ZBTB20: variants seen among roughly 807,000 people sequenced by gnomAD.
ZBTB20 encodes the protein zinc finger and BTB domain-containing protein 20.
ZBTB20 carries 9 observed loss-of-function variants against 56.9 expected under a neutral mutation model. That is an observed-to-expected ratio of 0.16 (90% CI 0.10 to 0.28). The LOEUF is 0.28. Ranked by LOEUF, ZBTB20 falls within the 10% of genes least tolerant of loss-of-function variation. The pLI, the probability that ZBTB20 is intolerant of heterozygous loss-of-function variation, is 1.00. For missense variants in ZBTB20, 655 were observed against 1,003.0 expected (o/e 0.65, Z 4.69); for synonymous variants, 417 against 420.7 (o/e 0.99, Z 0.11).
chr3:114,969,625 C>T (rs1437386078), intron 3 of ZBTB20, among the ~76,000 whole-genome samples: 2 of 152,164 alleles, frequency 1.3e-5, no homozygotes, highest in Non-Finnish European at 2.9e-5. Context: ...AATATTTACT[C>T]GTTCCTTATC....
chr3:114,740,071 T>C (rs1192774585), intron 5 of ZBTB20, among the ~76,000 whole-genome samples: 2 of 152,240 alleles, frequency 1.3e-5, no homozygotes, highest in Non-Finnish European at 2.9e-5. Context: ...GTACTGTTTC[T>C]GATCTGGAAA....
At chr3:114,677,711 G>A (rs2061712917) in intron 6 of ZBTB20, among the ~76,000 whole-genome samples, 1 of 151,962 alleles carries the variant, frequency 6.6e-6, no homozygotes, top group Non-Finnish European at 1.5e-5. Flanking sequence ...GCCAAATACT[G>A]GAAATTTGAA....
At chr3:114,980,276 A>G (rs138085519) in intron 2 of ZBTB20, among the ~76,000 whole-genome samples, 3 of 152,192 alleles carry the variant, frequency 2.0e-5, no homozygotes, top group East Asian at 3.9e-4. Context: ...AAAGTACACA[A>G]TCTAACCTGC....
At chr3:114,748,380 T>C (rs73857564) in intron 5 of ZBTB20, among the ~76,000 whole-genome samples, 1,514 of 35,180 alleles carry the variant, frequency 0.043, 72 homozygotes, top group Admixed American at 0.072. Flanking sequence ...CTCTCTCTCT[T>C]TCTTTCTTTT....
At position 114,337,509 on chromosome 3, in the gene ZBTB20, G is replaced by A. The variant is rs2079500286; in HGVS notation, c.*1496C>T. The A allele has an allele frequency of 6.6e-6, 1 of 152,124 alleles. No homozygotes were observed. The highest frequency in any genetic ancestry group is 2.1e-4 in the South Asian group (1 of 4,828). 9.4% of individuals were successfully genotyped at this position (152,124 alleles called of 1,614,324 possible). On this transcript the variant is annotated 3_prime_UTR_variant, in exon 12 of 12. Coordinates refer to ENST00000675478, the MANE Select transcript of ZBTB20 (RefSeq NM_001348800.3). ...TTCTGAAAGATAAAGTCTCTTCCAT[G>A]AAAAAGAACAGAATTCTAGATGAAT...
intron 2 of ZBTB20, among the ~76,000 whole-genome samples, chr3:115,007,404 T>C (rs994720807): frequency 2.0e-5 from 3 of 151,840 alleles, no homozygotes; most frequent in Non-Finnish European, 4.4e-5. Flanking sequence ...ATGTGTTTTA[T>C]GTGTTTTTTA....
intron 1 of ZBTB20, among the ~76,000 whole-genome samples, chr3:115,139,114 T>C (rs1264036289): frequency 1.3e-5 from 2 of 152,158 alleles, no homozygotes; most frequent in East Asian, 3.9e-4. Flanking sequence ...TACCATCATC[T>C]AACAGACAGT....
chr3:114,752,754 C>T (rs2067666492), intron 5 of ZBTB20, among the ~76,000 whole-genome samples: 1 of 152,096 alleles, frequency 6.6e-6, no homozygotes, highest in Admixed American at 6.5e-5. Flanking sequence ...GACAGTACTC[C>T]TTACTCTGTC....
chr3:114,381,005 A>T, intron 8 of ZBTB20, 65 bp from the exon 9 acceptor site: 1 of 354,066 alleles, frequency 2.8e-6, no homozygotes, highest in Non-Finnish European at 5.1e-6. Context: ...ATTTCTACTC[A>T]TGGACTACAT....
Position 114,338,778 on chromosome 3 carries a change from C to G in ZBTB20, c.*227G>C. Reference sequence around the variant, plus strand: ...ACTACCAGGCCTTAAGGCCACCATCCGAGGGAGACTGGGAAAACTATTATT... The same window carrying G: ...ACTACCAGGCCTTAAGGCCACCATCGGAGGGAGACTGGGAAAACTATTATT... On this transcript the variant is annotated 3_prime_UTR_variant, in exon 12 of 12. Transcript: ENST00000675478. The G allele has an allele frequency of 2.3e-6, 1 of 441,510 alleles. No homozygotes were observed. Among genetic ancestry groups the G allele is most frequent in the Non-Finnish European group, 3.8e-6 (1 of 260,284 alleles). 27.3% of individuals were successfully genotyped at this position (441,510 alleles called of 1,614,324 possible). A position where few individuals can be genotyped will look rare whatever the true frequency, so the allele number is the denominator to read the frequency against.
At chr3:114,595,212 G>C (rs1606492) in intron 6 of ZBTB20, among the ~76,000 whole-genome samples, 80,100 of 151,960 alleles carry the variant, frequency 0.53, 23,302 homozygotes, top group East Asian at 0.91. Context: ...TGACTGATTG[G>C]ACTTAAAAAA....
intron 3 of ZBTB20, among the ~76,000 whole-genome samples, chr3:114,934,098 C>T (rs2076449835): frequency 6.6e-6 from 1 of 152,146 alleles, no homozygotes; most frequent in South Asian, 2.1e-4. Flanking sequence ...TGTACTTGCC[C>T]TTTTCTGTCT....
chr3:115,048,013 G>A lies in ZBTB20; in HGVS notation c.-507+23206C>T, dbSNP rs1329418412. Among the ~76,000 whole-genome samples, 5 of 152,062 alleles carry A rather than the reference G, an allele frequency of 3.3e-5. No homozygotes were observed. In the East Asian group the frequency reaches 7.7e-4, roughly 23 times the overall value. ...AGGCAGGCAGAACACGAGGTCAGGAGATCGAGACCATCCTGGCTAACACGG... is the reference window on the plus strand; with the variant it reads ...AGGCAGGCAGAACACGAGGTCAGGAAATCGAGACCATCCTGGCTAACACGG... On this transcript the variant is annotated intron_variant, in intron 2 of 11. Coordinates refer to ENST00000675478, the MANE Select transcript of ZBTB20 (RefSeq NM_001348800.3).
intron 7 of ZBTB20, among the ~76,000 whole-genome samples, chr3:114,438,250 T>G (rs999011690): frequency 1.3e-5 from 2 of 151,902 alleles, no homozygotes; most frequent in Non-Finnish European, 1.5e-5. Context: ...CACGGATGTG[T>G]TTGATCACAT....
At chr3:114,532,692 G>A (rs2047996750) in intron 6 of ZBTB20, among the ~76,000 whole-genome samples, 1 of 152,162 alleles carries the variant, frequency 6.6e-6, no homozygotes, top group Non-Finnish European at 1.5e-5. Context: ...CCTCCTCACT[G>A]GGAGACACCT....
chr3:114,582,438 G>A (rs2054739613), intron 6 of ZBTB20, among the ~76,000 whole-genome samples: 1 of 151,040 alleles, frequency 6.6e-6, no homozygotes. Context: ...AGGCTGGAGT[G>A]CAATGGTGCC....
At chr3:114,741,459 A>C (rs2066568968) in intron 5 of ZBTB20, among the ~76,000 whole-genome samples, 1 of 152,228 alleles carries the variant, frequency 6.6e-6, no homozygotes, top group Non-Finnish European at 1.5e-5. Context: ...AAAATCAGAG[A>C]TATTAAAATA....
intron 6 of ZBTB20, among the ~76,000 whole-genome samples, chr3:114,604,149 C>T (rs2056969225): frequency 6.6e-6 from 1 of 151,928 alleles, no homozygotes; most frequent in Admixed American, 6.6e-5. Flanking sequence ...TCAATCGGGA[C>T]TGAATAAACC....
At position 114,497,782 on chromosome 3, in the gene ZBTB20, A is replaced by T. The variant is rs185598786; in HGVS notation, c.-255+2570T>A. 3.3e-5 allele frequency among the ~76,000 whole-genome samples: 5 copies of T among 152,354 alleles called. No homozygotes were observed. The East Asian group carries it at 9.6e-4, about 29-fold the overall frequency. On this transcript the variant is annotated intron_variant, in intron 7 of 11. Transcript: ENST00000675478. ...GGAGTTTCCAGAACCAAGCACAGTG[A>T]CTAGCTTTCCATAAATGTTTGTTGA...
Sources: allele counts gnomAD v4.1 joint callset (sites outside exome capture counted in the v4.1 genomes callset), GRCh38; gene constraint gnomAD v4.1.1; transcripts MANE v1.5; gene names NCBI Gene and HGNC (gene_info 2026-07-23, HGNC 2026-07-21).